Variants in EDIL3 observed in about 807,000 individuals in gnomAD.
EDIL3 encodes the protein EGF-like repeat and discoidin I-like domain-containing protein 3.
In EDIL3, 37 loss-of-function variants were observed where a neutral mutation model predicts 67.4. The observed-to-expected ratio is 0.55, with a 90% CI of 0.42 to 0.72. The LOEUF is 0.72. EDIL3 is among the 30% of genes least tolerant of loss of function. The probability of loss-of-function intolerance (pLI) is 0.00; values close to 1 mark genes in which losing one functional copy is unlikely to be tolerated. For synonymous variants in EDIL3, 195 were observed against 196.3 expected (o/e 0.99, Z 0.05); for missense variants, 527 against 586.3 (o/e 0.90, Z 1.04).
chr5:84,333,794 A>G (rs1305639217), intron 1 of EDIL3, among the ~76,000 whole-genome samples: 1 of 152,176 alleles, frequency 6.6e-6, no homozygotes, highest in Non-Finnish European at 1.5e-5. Flanking sequence ...ATCAATAAAA[A>G]TAAGTAATTT....
intron 1 of EDIL3, among the ~76,000 whole-genome samples, chr5:84,278,080 T>C (rs1208329505): frequency 6.6e-6 from 1 of 152,204 alleles, no homozygotes; most frequent in Non-Finnish European, 1.5e-5. Context: ...TCTAGTCTGT[T>C]GTCTCTATTT....
chr5:84,033,435 C>T (rs1745963120), intron 9 of EDIL3, among the ~76,000 whole-genome samples: 1 of 152,116 alleles, frequency 6.6e-6, no homozygotes, highest in Admixed American at 6.6e-5. Context: ...CTAGGCCAGG[C>T]ATAGTGGCTC....
At chr5:84,358,754 C>T (rs968274737) in intron 1 of EDIL3, among the ~76,000 whole-genome samples, 9 of 151,854 alleles carry the variant, frequency 5.9e-5, no homozygotes, top group East Asian at 1.9e-4. Flanking sequence ...GGACTACAGG[C>T]GCCTGCCACA....
chr5:84,223,443 T>A (rs531278118), intron 3 of EDIL3, among the ~76,000 whole-genome samples: 2 of 151,768 alleles, frequency 1.3e-5, no homozygotes, highest in South Asian at 4.1e-4. Context: ...TATTAAGCCT[T>A]ATAAAAGAAG....
intron 8 of EDIL3, among the ~76,000 whole-genome samples, chr5:84,062,997 C>T (rs556558870): frequency 3.9e-5 from 6 of 152,238 alleles, no homozygotes; most frequent in African/African-American, 1.4e-4. Flanking sequence ...AGAGATATTA[C>T]TCTCTGCATG....
intron 9 of EDIL3, among the ~76,000 whole-genome samples, chr5:83,968,276 A>G (rs1027539350): frequency 1.3e-5 from 2 of 152,082 alleles, no homozygotes; most frequent in Non-Finnish European, 2.9e-5. Context: ...GTTCTGATCT[A>G]AAGTTTGGAA....
intron 3 of EDIL3, among the ~76,000 whole-genome samples, chr5:84,218,394 T>C (rs1171949122): frequency 6.6e-6 from 1 of 152,032 alleles, no homozygotes; most frequent in Non-Finnish European, 1.5e-5. Flanking sequence ...GTAAATTTAG[T>C]TGTTCCTATA....
At chr5:84,284,620 T>A (rs1745773748) in intron 1 of EDIL3, among the ~76,000 whole-genome samples, 1 of 152,164 alleles carries the variant, frequency 6.6e-6, no homozygotes, top group African/African-American at 2.4e-5. Flanking sequence ...TACTTTTCTG[T>A]TTTTGTTGCT....
At chr5:84,319,518 AAAAAAG>A (rs1746587888) in intron 1 of EDIL3, among the ~76,000 whole-genome samples, 5 of 57,926 alleles carry the variant, frequency 8.6e-5, no homozygotes, top group South Asian at 6.9e-4. Context: ...AAAAAAAAAA[AAAAAAG>A]AAATAGGAAT....
chr5:84,125,790 T>C (rs991579034), intron 5 of EDIL3, among the ~76,000 whole-genome samples: 10 of 152,004 alleles, frequency 6.6e-5, no homozygotes, highest in Non-Finnish European at 8.8e-5. Context: ...TATAAGGCAT[T>C]GGAAAACCAA....
At chr5:84,037,074 A>G (rs1042995603) in intron 9 of EDIL3, among the ~76,000 whole-genome samples, 16 of 152,142 alleles carry the variant, frequency 1.1e-4, no homozygotes, top group East Asian at 5.8e-4. Flanking sequence ...GACTGACTGA[A>G]AAGCATCCTG....
intron 5 of EDIL3, among the ~76,000 whole-genome samples, chr5:84,136,188 G>A (rs985547835): frequency 2.0e-5 from 3 of 152,108 alleles, no homozygotes; most frequent in Non-Finnish European, 4.4e-5. Flanking sequence ...TCAGAAACCT[G>A]TAGCACTGCT....
At position 83,941,952 on chromosome 5, in the gene EDIL3, A is replaced by G. The variant is rs1182586000; in HGVS notation, c.*1467T>C. 8 of 152,138 alleles carry G rather than the reference A, an allele frequency of 5.3e-5. No individual in the cohort carries two copies. In the East Asian group the frequency reaches 1.6e-3, roughly 30 times the overall value. 9.4% of individuals were successfully genotyped at this position (152,138 alleles called of 1,614,324 possible). Reference sequence around the variant, plus strand: ...CAGTAACAGTCTAGTGGCTTTTGTTATGCAGCACAAATATTAAAGGAAAAA... The same window carrying G: ...CAGTAACAGTCTAGTGGCTTTTGTTGTGCAGCACAAATATTAAAGGAAAAA... On this transcript the variant is annotated 3_prime_UTR_variant, in exon 11 of 11. Coordinates refer to ENST00000296591, the MANE Select transcript of EDIL3 (RefSeq NM_005711.5).
chr5:84,315,029 T>C (rs1341526492), intron 1 of EDIL3, among the ~76,000 whole-genome samples: 1 of 152,178 alleles, frequency 6.6e-6, no homozygotes, highest in South Asian at 2.1e-4. Context: ...TTTTATTTTA[T>C]TATCCTTCTA....
intron 6 of EDIL3, among the ~76,000 whole-genome samples, chr5:84,095,526 T>C (rs1488787114): frequency 6.6e-6 from 1 of 152,156 alleles, no homozygotes; most frequent in Non-Finnish European, 1.5e-5. Flanking sequence ...TTTATTAAAG[T>C]GAGTGGCAGC....
chr5:84,274,173 C>T (rs1050924417), intron 1 of EDIL3, among the ~76,000 whole-genome samples: 6 of 152,176 alleles, frequency 3.9e-5, no homozygotes, highest in African/African-American at 1.4e-4. Context: ...GTGGTGCAAT[C>T]ATGGCTCACT....
intron 4 of EDIL3, among the ~76,000 whole-genome samples, chr5:84,154,567 T>A (rs965851801): frequency 2.6e-5 from 4 of 151,726 alleles, no homozygotes; most frequent in South Asian, 2.1e-4. Context: ...TTTTTTTTTC[T>A]GGAATATTTA....
At chr5:84,351,174 T>A (rs1747349703) in intron 1 of EDIL3, among the ~76,000 whole-genome samples, 1 of 152,186 alleles carries the variant, frequency 6.6e-6, no homozygotes, top group Non-Finnish European at 1.5e-5. Context: ...CAAGGACAGA[T>A]GTTTCCAGGA....
chr5:83,999,937 G>C (rs1745300057), intron 9 of EDIL3, among the ~76,000 whole-genome samples: 1 of 151,850 alleles, frequency 6.6e-6, no homozygotes, highest in African/African-American at 2.4e-5. Flanking sequence ...CAAAACATCT[G>C]GCAGCAGACT....
Sources: gnomAD v4.1 joint callset for allele counts (sites outside exome capture counted in the v4.1 genomes callset) on GRCh38, gnomAD v4.1.1 for gene constraint, MANE v1.5 for transcripts, NCBI Gene and HGNC (gene_info 2026-07-23, HGNC 2026-07-21) for gene names.